The following COL4A6 variants were observed in gnomAD, a reference collection of about 807,000 sequenced individuals.
COL4A6 encodes collagen type IV alpha 6 chain, also known as collagen alpha-6(IV) chain.
In COL4A6, 59 loss-of-function variants were observed where a neutral mutation model predicts 126.7. The observed-to-expected ratio is 0.47, with a 90% CI of 0.38 to 0.58. The LOEUF is 0.58. COL4A6 is among the 20% of genes least tolerant of loss of function. The probability of loss-of-function intolerance (pLI) is 0.00; values close to 1 mark genes in which losing one functional copy is unlikely to be tolerated. For synonymous variants in COL4A6, 547 were observed against 496.6 expected (o/e 1.10, Z -1.35); for missense variants, 1,285 against 1,337.3 (o/e 0.96, Z 0.61).
chrX:108,197,377 T>C (rs964804162), intron 13 of COL4A6, among the ~76,000 whole-genome samples: 1 of 112,325 alleles, frequency 8.9e-6, no homozygotes, highest in Admixed American at 9.4e-5. Context: ...GCCCCCAAGA[T>C]ACAGAATAGT....
chrX:108,371,888 G>A (rs1304921517), intron 2 of COL4A6, among the ~76,000 whole-genome samples: 7 of 105,616 alleles, frequency 6.6e-5, no homozygotes, highest in Non-Finnish European at 1.4e-4. Context: ...ACCTGAATAG[G>A]ACCTGGGAAA....
In COL4A6 at chrX:108,238,034, A is replaced by ATATCTATC. The variant is rs59088315; in HGVS notation, c.145-16668_145-16661dup. Among the ~76,000 whole-genome samples the ATATCTATC allele has an allele frequency of 9.8e-3, 845 of 86,482 alleles. 3 individuals carry two copies. Among genetic ancestry groups the ATATCTATC allele is most frequent in the African/African-American group, 0.022 (495 of 22,364 alleles). 75.1% of individuals were successfully genotyped at this position (86,482 alleles called of 115,157 possible). On this transcript the variant is annotated intron_variant, in intron 3 of 44. Coordinates refer to ENST00000334504, the MANE Select transcript of COL4A6 (RefSeq NM_033641.4). Reference sequence around the variant, plus strand: ...TCTGTCATCTACCTATCACCTCTCTATATCTATCTATCTATCTATCTATCT... The same window carrying ATATCTATC: ...TCTGTCATCTACCTATCACCTCTCTATATCTATCTATCTATCTATCTATCTATCTATCT...
chrX:108,339,077 G>A (rs2039499267), intron 2 of COL4A6, among the ~76,000 whole-genome samples: 1 of 111,970 alleles, frequency 8.9e-6, no homozygotes, highest in Non-Finnish European at 1.9e-5. Flanking sequence ...CTTTTAATCA[G>A]TACCTCTGAC....
chrX:108,345,507 T>C (rs1386024139), intron 2 of COL4A6, among the ~76,000 whole-genome samples: 1 of 111,776 alleles, frequency 8.9e-6, no homozygotes, highest in Non-Finnish European at 1.9e-5. Flanking sequence ...TCAGCATTAA[T>C]GAGATTAACT....
intron 5 of COL4A6, among the ~76,000 whole-genome samples, chrX:108,215,010 G>C (rs1467288382): frequency 9.0e-6 from 1 of 111,103 alleles, no homozygotes; most frequent in Non-Finnish European, 1.9e-5. Flanking sequence ...TTGTGTGTTG[G>C]GCATGGAGCA....
chrX:108,402,334 T>A (rs2041105890), intron 2 of COL4A6, among the ~76,000 whole-genome samples: 1 of 111,870 alleles, frequency 8.9e-6, no homozygotes. Context: ...ATATTTTCAA[T>A]ATCCAGAGCA....
At chrX:108,424,978 C>T (rs2064046747) in intron 2 of COL4A6, among the ~76,000 whole-genome samples, 1 of 110,987 alleles carries the variant, frequency 9.0e-6, no homozygotes, top group South Asian at 3.9e-4. Context: ...CACCACTGCA[C>T]TCCAGCCTGG....
Position 108,170,057 on chromosome X carries a change from A to T in COL4A6, c.3494-41T>A, listed in dbSNP as rs1315433058. ...GTCAAAAATGGCTCCAGCAACTCTG[A>T]ATCATGAAGCATCAGCAAGAGGTAG... is the stretch of plus-strand genomic sequence containing the variant. On this transcript the variant is annotated intron_variant, in intron 35 of 44. Transcript: ENST00000334504. 3 of 1,082,197 alleles carry T rather than the reference A, an allele frequency of 2.8e-6. No individual in the cohort carries two copies. The Admixed American group carries it at 7.6e-5, about 28-fold the overall frequency. 89.2% of individuals were successfully genotyped at this position (1,082,197 alleles called of 1,213,427 possible).
intron 3 of COL4A6, among the ~76,000 whole-genome samples, chrX:108,246,046 T>C (rs1225190408): frequency 9.0e-6 from 1 of 111,543 alleles, no homozygotes; most frequent in East Asian, 2.9e-4. Context: ...TGGGGGAAAA[T>C]GATTCTTTTC....
rs1484970740 is a variant in COL4A6, at chrX:108,416,637, A to G, written c.63+21305T>C. Among the ~76,000 whole-genome samples, 4 of 111,988 alleles carry G rather than the reference A, an allele frequency of 3.6e-5. No homozygotes were observed. In the East Asian group the frequency reaches 1.1e-3, roughly 31 times the overall value. ...GGCCCTTCTGTATTAGGGAGTTCCT[A>G]AGATTTAGATAGAAATTACACAGCT... On this transcript the variant is annotated intron_variant, in intron 2 of 44. Transcript: ENST00000334504.
chrX:108,310,801 C>G lies in COL4A6; in HGVS notation c.91G>C (p.Gly31Arg). 1 of 1,209,501 alleles carries G rather than the reference C, an allele frequency of 8.3e-7. No homozygotes were observed. The highest frequency in any genetic ancestry group is 1.1e-6 in the Non-Finnish European group (1 of 893,907). ...CAGCTCCCACTGCAGTCCTGGCCCCCACATGGCTTTCCATAAGACTTCTCT... is the reference window on the plus strand; with the variant it reads ...CAGCTCCCACTGCAGTCCTGGCCCCGACATGGCTTTCCATAAGACTTCTCT... ...AGEKSYGKPCGGQDCSGSCQC... is the reference protein window; with the variant it reads ...AGEKSYGKPCRGQDCSGSCQC... The change falls in exon 3 of 45, where the codon GGG becomes CGG. Residue 31 changes from glycine (G) to arginine (R), a missense_variant. Physicochemically the swap from Gly to Arg is moderately radical, Grantham distance 125 (BLOSUM62 -2). Coordinates refer to ENST00000334504, the MANE Select transcript of COL4A6 (RefSeq NM_033641.4).
intron 3 of COL4A6, among the ~76,000 whole-genome samples, chrX:108,302,350 AT>A (rs1477390079): frequency 8.9e-6 from 1 of 111,753 alleles, no homozygotes; most frequent in African/African-American, 3.2e-5. Flanking sequence ...ATCTTTCATC[AT>A]TGAGAATTGA....
At chrX:108,179,139 T>C in intron 26 of COL4A6, 78 bp downstream of exon 26, 1 of 927,067 alleles carries the variant, frequency 1.1e-6, no homozygotes, top group Non-Finnish European at 1.5e-6. Context: ...CCCAGATTCA[T>C]GCAAGTATTC....
intron 3 of COL4A6, among the ~76,000 whole-genome samples, chrX:108,226,800 C>G (rs2036179670): frequency 9.0e-6 from 1 of 110,981 alleles, no homozygotes; most frequent in Admixed American, 9.6e-5. Context: ...ACATCCGATC[C>G]ATTAGCAAGG....
At chrX:108,322,162 C>T (rs752399169) in intron 2 of COL4A6, among the ~76,000 whole-genome samples, 1 of 111,535 alleles carries the variant, frequency 9.0e-6, no homozygotes, top group South Asian at 3.8e-4. Context: ...TGTGAACATA[C>T]ACACACACGG....
Position 108,162,917 on chromosome X carries a change from C to T in COL4A6, c.4191G>A (p.Gly1397=), listed in dbSNP as rs774509985. Reference sequence around the variant, plus strand: ...CTTGTAGGCCTACAGGGCCTTGAGCCCCAGGGTCCCCAGTGAGGCCAGGGA... The same window carrying T: ...CTTGTAGGCCTACAGGGCCTTGAGCTCCAGGGTCCCCAGTGAGGCCAGGGA... ...DGIPGLTGDP[G]AQGPVGLQGS... is the part of the protein sequence containing the mutation. The change falls in exon 41 of 45, where the codon GGG becomes GGA. Residue 1397 remains glycine, a synonymous_variant. Coordinates refer to ENST00000334504, the MANE Select transcript of COL4A6 (RefSeq NM_033641.4). 2 of 1,196,745 alleles carry T rather than the reference C, an allele frequency of 1.7e-6. No homozygotes were observed. The highest frequency in any genetic ancestry group is 4.6e-5 in the Admixed American group (2 of 43,543).
At chrX:108,390,627 G>A (rs993193841) in intron 2 of COL4A6, among the ~76,000 whole-genome samples, 3 of 109,351 alleles carry the variant, frequency 2.7e-5, no homozygotes, top group Non-Finnish European at 3.8e-5. Context: ...TTAGCAATTT[G>A]TCTAACCTTT....
chrX:108,387,621 A>T (rs1344767593), intron 2 of COL4A6, among the ~76,000 whole-genome samples: 1 of 111,728 alleles, frequency 9.0e-6, no homozygotes, highest in East Asian at 2.8e-4. Flanking sequence ...TTGGTCTGAG[A>T]TTATGGGGTT....
rs191488490 is a variant in COL4A6 at position 108,165,635 on chromosome X, C to T, written c.3692-149G>A. On this transcript the variant is annotated intron_variant, in intron 37 of 44. Coordinates refer to ENST00000334504, the MANE Select transcript of COL4A6 (RefSeq NM_033641.4). ...AGAACGCCAGCAGAGGGCTCTTCTT[C>T]CCTAATCCTTCCTTCCCAGAAAGCA... 1,054 of 384,545 alleles carry T rather than the reference C, an allele frequency of 2.7e-3. 4 individuals are homozygous for T. The highest frequency in any genetic ancestry group is 8.2e-3 in the Middle Eastern group (13 of 1,590). 31.7% of individuals were successfully genotyped at this position (384,545 alleles called of 1,213,427 possible).
Sources: gnomAD v4.1 joint callset for allele counts (sites outside exome capture counted in the v4.1 genomes callset) on GRCh38, gnomAD v4.1.1 for gene constraint, MANE v1.5 for transcripts, NCBI Gene and HGNC (gene_info 2026-07-23, HGNC 2026-07-21) for gene names.